Variants in TMEM87B observed in about 807,000 individuals in gnomAD.
TMEM87B encodes transmembrane protein 87B.
Under a neutral mutation model 80.3 loss-of-function variants are expected in TMEM87B, and 83 were observed. The observed-to-expected ratio is 1.03, with a 90% CI of 0.87 to 1.24. The LOEUF is 1.24. TMEM87B is among the 50% of genes most tolerant of loss of function. The pLI, the probability that TMEM87B is intolerant of heterozygous loss-of-function variation, is 0.00. For synonymous variants in TMEM87B, 219 were observed against 230.5 expected (o/e 0.95, Z 0.45); for missense variants, 625 against 674.4 (o/e 0.93, Z 0.81).
intron 11 of TMEM87B, 58 bp downstream of exon 11, chr2:112,091,841 G>C: frequency 8.0e-7 from 1 of 1,255,932 alleles, no homozygotes; most frequent in Non-Finnish European, 1.1e-6. Context: ...CAGATTACAT[G>C]TAATTTGTAA....
Position 112,055,655 on chromosome 2 carries a change from C to T in TMEM87B, c.64C>T (p.Arg22Trp), listed in dbSNP as rs973890294. The T allele has an allele frequency of 1.3e-6, 2 of 1,573,918 alleles. No individual in the cohort carries two copies. The highest frequency in any genetic ancestry group is 1.7e-6 in the Non-Finnish European group (2 of 1,163,072). ...ACGCCGCCGCCGCTGCTTTCCCGCC[C>T]GGGCCCCGCTGCTGCGCGTCGCCCT... The part of the protein sequence containing the change: ...LPRRRRCFPA[R>W]APLLRVALCL... Residue 22 changes from arginine to tryptophan, a missense_variant, in exon 1 of 19, where the codon CGG (arginine) becomes TGG (tryptophan). Arg to Trp is a moderately radical substitution (Grantham distance 101, BLOSUM62 -3). Coordinates refer to ENST00000283206, the MANE Select transcript of TMEM87B (RefSeq NM_032824.3).
chr2:112,055,971 T>C (rs1334113831), intron 1 of TMEM87B, among the ~76,000 whole-genome samples: 1 of 152,208 alleles, frequency 6.6e-6, no homozygotes, highest in Non-Finnish European at 1.5e-5. Flanking sequence ...CCGTCAGGAT[T>C]GCGCATGGGA....
intron 17 of TMEM87B, among the ~76,000 whole-genome samples, chr2:112,108,512 C>T (rs1453474184): frequency 6.6e-6 from 1 of 152,126 alleles, no homozygotes; most frequent in Non-Finnish European, 1.5e-5. Flanking sequence ...GTCTTTGTTT[C>T]ACCTTTATTG....
intron 17 of TMEM87B, among the ~76,000 whole-genome samples, chr2:112,109,915 C>T (rs10201041): frequency 0.022 from 3,360 of 151,744 alleles, 34 homozygotes; most frequent in African/African-American, 0.028. Flanking sequence ...TACAGGCAGG[C>T]GCCACCACAC....
chr2:112,088,635 G>A (rs769937669), intron 9 of TMEM87B, among the ~76,000 whole-genome samples: 9 of 151,788 alleles, frequency 5.9e-5, no homozygotes, highest in Non-Finnish European at 1.2e-4. Context: ...AAATGTATGT[G>A]CAATAAATTC....
At chr2:112,076,706 A>T (rs1678827805) in intron 5 of TMEM87B, among the ~76,000 whole-genome samples, 1 of 152,196 alleles carries the variant, frequency 6.6e-6, no homozygotes, top group African/African-American at 2.4e-5. Context: ...GGGAACCTGT[A>T]AAAATATAAA....
chr2:112,094,728 A>G (rs1230373560), intron 11 of TMEM87B, among the ~76,000 whole-genome samples: 1 of 152,218 alleles, frequency 6.6e-6, no homozygotes, highest in Non-Finnish European at 1.5e-5. Context: ...GTTTCAGGGA[A>G]TAGTCAAAGA....
At chr2:112,076,975 G>GAGGA (rs1678840996) in intron 5 of TMEM87B, among the ~76,000 whole-genome samples, 1 of 142,964 alleles carries the variant, frequency 7.0e-6, no homozygotes, top group African/African-American at 2.6e-5. Context: ...GCCAAAGCAG[G>GAGGA]AGGATCACAT....
rs776019490 is a variant in TMEM87B at position 112,118,985 on chromosome 2, T to C, written c.*2842T>C. The C allele has an allele frequency of 1.1e-4, 16 of 152,104 alleles. No homozygotes were observed. The highest frequency in any genetic ancestry group is 2.6e-4 in the Admixed American group (4 of 15,278). 9.4% of individuals were successfully genotyped at this position (152,104 alleles called of 1,614,324 possible). A position where few individuals can be genotyped will look rare whatever the true frequency, so the allele number is the denominator to read the frequency against. ...TTATACTTAAAAGAAGTTTAACATA[T>C]TGGTTAATATACTGGTTAATATACT... On this transcript the variant is annotated 3_prime_UTR_variant, in exon 19 of 19. Coordinates refer to ENST00000283206, the MANE Select transcript of TMEM87B (RefSeq NM_032824.3).
At chr2:112,098,766 G>A (rs776568700) in intron 14 of TMEM87B, 68 bp downstream of exon 14, 97 of 1,446,900 alleles carry the variant, frequency 6.7e-5, no homozygotes, top group Non-Finnish European at 8.9e-5. Context: ...TCAAGAACAC[G>A]TTTATAGAAA....
rs768440670 is a variant in TMEM87B, at chr2:112,097,110, TTA to T, written c.1176_1177del (p.Tyr392Ter). The T allele has an allele frequency of 3.7e-6, 6 of 1,609,384 alleles. No homozygotes were observed. Among genetic ancestry groups the T allele is most frequent in the African/African-American group, 2.7e-5 (2 of 74,646 alleles). ...AAGAAAGAACACTGTGAAATTTTCATTATATAGACATTTTAAAAATACTCTGA... is the reference window on the plus strand; with the variant it reads ...AAGAAAGAACACTGTGAAATTTTCATTATAGACATTTTAAAAATACTCTGA... ...RLRKNTVKFS[L>X]YRHFKNTLIF... On this transcript the variant is annotated frameshift_variant, in exon 12 of 19. Transcript: ENST00000283206. LOFTEE classifies it high-confidence loss of function.
intron 3 of TMEM87B, among the ~76,000 whole-genome samples, chr2:112,064,700 C>G (rs1573682235): frequency 6.6e-6 from 1 of 152,172 alleles, no homozygotes; most frequent in Non-Finnish European, 1.5e-5. Context: ...GAGAAAGTGG[C>G]TGTGCTGAGC....
At position 112,091,763 on chromosome 2, in the gene TMEM87B, G is replaced by T; in HGVS notation, c.1084G>T (p.Asp362Tyr). 1 of 1,612,910 alleles carries T rather than the reference G, an allele frequency of 6.2e-7. No individual in the cohort carries two copies. Among genetic ancestry groups the T allele is most frequent in the Non-Finnish European group, 8.5e-7 (1 of 1,179,310 alleles). Residue 362 changes from aspartate to tyrosine, a missense_variant, in exon 11 of 19, where the codon GAC (aspartate) becomes TAC (tyrosine). Coordinates refer to ENST00000283206, the MANE Select transcript of TMEM87B (RefSeq NM_032824.3). ...VLDDIILAVIDSIFVWFIFIS... is the reference protein window; with the variant it reads ...VLDDIILAVIYSIFVWFIFIS... ...TGATGACATTATTTTAGCAGTTATTGACTCCATTTTTGTGTGGTTCATATC... is the reference window on the plus strand; with the variant it reads ...TGATGACATTATTTTAGCAGTTATTTACTCCATTTTTGTGTGGTTCATATC...
chr2:112,063,681 A>T (rs1678327497), intron 2 of TMEM87B, among the ~76,000 whole-genome samples: 1 of 152,206 alleles, frequency 6.6e-6, no homozygotes, highest in South Asian at 2.1e-4. Context: ...ATGATAGGTG[A>T]CCTGCTCAGT....
At chr2:112,078,364 G>A (rs1678883916) in intron 6 of TMEM87B, among the ~76,000 whole-genome samples, 1 of 152,194 alleles carries the variant, frequency 6.6e-6, no homozygotes, top group South Asian at 2.1e-4. Flanking sequence ...CTTAAACGAT[G>A]TGTTCTCACA....
chr2:112,077,324 G>A (rs764734528), intron 6 of TMEM87B, 42 bp downstream of exon 6: 5 of 1,109,316 alleles, frequency 4.5e-6, no homozygotes, highest in Non-Finnish European at 6.5e-6. Context: ...TGCATTTTCT[G>A]TATTCTGTAT....
At chr2:112,106,890 C>T (rs1038732191) in intron 16 of TMEM87B, among the ~76,000 whole-genome samples, 1 of 152,022 alleles carries the variant, frequency 6.6e-6, no homozygotes, top group African/African-American at 2.4e-5. Flanking sequence ...ATAACATAGA[C>T]TGGAGGGATG....
intron 15 of TMEM87B, chr2:112,105,765 CA>C (rs1222975487): frequency 2.7e-6 from 1 of 373,418 alleles, no homozygotes; most frequent in Non-Finnish European, 4.7e-6. Context: ...AACTAGGATT[CA>C]AACAAGAAAC....
At chr2:112,059,921 A>C in intron 1 of TMEM87B, 56 bp from the exon 2 acceptor site, 1 of 1,572,680 alleles carries the variant, frequency 6.4e-7, no homozygotes, top group East Asian at 2.3e-5. Context: ...GTGGGGTAAA[A>C]CAGTTGCAAA....
Sources: allele counts gnomAD v4.1 joint callset (sites outside exome capture counted in the v4.1 genomes callset), GRCh38; gene constraint gnomAD v4.1.1; transcripts MANE v1.5; gene names NCBI Gene and HGNC (gene_info 2026-07-23, HGNC 2026-07-21).